Variants in FBXO45 observed in about 807,000 individuals in gnomAD.
FBXO45 encodes F-box/SPRY domain-containing protein 1.
Under a neutral mutation model 25.5 loss-of-function variants are expected in FBXO45, and 3 were observed. The ratio of observed to expected loss-of-function variants is 0.12; its 90% CI spans 0.05 to 0.30. FBXO45 has a LOEUF of 0.30. Among genes scored for constraint, FBXO45 ranks in the 10% least tolerant of loss-of-function variants. The probability of loss-of-function intolerance (pLI) is 1.00; values close to 1 mark genes in which losing one functional copy is unlikely to be tolerated. For missense variants in FBXO45, 219 were observed against 365.0 expected (o/e 0.60, Z 3.26); for synonymous variants, 155 against 149.8 (o/e 1.03, Z -0.25).
chr3:196,571,414 C>T (rs139473617), intron 1 of FBXO45, among the ~76,000 whole-genome samples: 135 of 152,036 alleles, frequency 8.9e-4, no homozygotes, highest in East Asian at 3.7e-3. Flanking sequence ...TTTAGAGACA[C>T]GGGGTCTCAC....
intron 1 of FBXO45, among the ~76,000 whole-genome samples, chr3:196,572,451 T>C (rs1018326892): frequency 2.0e-5 from 3 of 152,162 alleles, no homozygotes; most frequent in Admixed American, 2.0e-4. Context: ...CTCAGATCCA[T>C]GTACTGAGAC....
chr3:196,584,976 G>A lies in FBXO45; in HGVS notation c.*658G>A, dbSNP rs1736080428. The A allele has an allele frequency of 6.6e-6, 1 of 152,050 alleles. No homozygotes were observed. The highest frequency in any genetic ancestry group is 1.5e-5 in the Non-Finnish European group (1 of 67,998). 9.4% of individuals were successfully genotyped at this position (152,050 alleles called of 1,614,324 possible). ...TGGTTACAAAATTGGAATAACATTT[G>A]GGGACAACTGGGTTAACTACAAAGA... On this transcript the variant is annotated 3_prime_UTR_variant, in exon 3 of 3. Coordinates refer to ENST00000311630, the MANE Select transcript of FBXO45 (RefSeq NM_001105573.2). The surrounding 1 kb of genome is among the most constrained non-coding windows in gnomAD (Gnocchi z 4.3).
In FBXO45 at chr3:196,584,404, T is replaced by G. The variant is rs1269422459; in HGVS notation, c.*86T>G. The G allele has an allele frequency of 8.3e-7, 1 of 1,203,296 alleles. No individual in the cohort carries two copies. The highest frequency in any genetic ancestry group is 2.6e-5 in the East Asian group (1 of 38,394). 74.5% of individuals were successfully genotyped at this position (1,203,296 alleles called of 1,614,324 possible). ...CCATGAAGTGACTGTCACACATGCATGTCCAAGAAACATCCTGAAAACACA... is the reference window on the plus strand; with the variant it reads ...CCATGAAGTGACTGTCACACATGCAGGTCCAAGAAACATCCTGAAAACACA... On this transcript the variant is annotated 3_prime_UTR_variant, in exon 3 of 3. Transcript: ENST00000311630. This position sits in a 1 kb window ranked among gnomAD's most constrained non-coding sequence, Gnocchi z 4.3.
intron 2 of FBXO45, among the ~76,000 whole-genome samples, chr3:196,583,090 A>G (rs1319344175): frequency 6.6e-6 from 1 of 151,690 alleles, no homozygotes; most frequent in Admixed American, 6.6e-5. Flanking sequence ...TAGATACTTT[A>G]TATAGGTGGA....
Position 196,568,945 on chromosome 3 carries a change from GGCGGCGGCA to G in FBXO45, c.-31_-23del. 5 of 986,540 alleles carry G rather than the reference GGCGGCGGCA, an allele frequency of 5.1e-6. No individual in the cohort carries two copies. Among genetic ancestry groups the G allele is most frequent in the Non-Finnish European group, 6.0e-6 (5 of 829,404 alleles). 61.1% of individuals were successfully genotyped at this position (986,540 alleles called of 1,614,324 possible). A position where few individuals can be genotyped will look rare whatever the true frequency, so the allele number is the denominator to read the frequency against. On this transcript the variant is annotated 5_prime_UTR_variant, in exon 1 of 3. Transcript: ENST00000311630. ...CTTCCGAGCAGAGACGGCGGGAAGC[GGCGGCGGCA>G]GCGGCGGCCCTAGGGCCGGCTGGTG...
intron 2 of FBXO45, among the ~76,000 whole-genome samples, chr3:196,580,445 C>T (rs1035769681): frequency 2.0e-5 from 3 of 151,792 alleles, no homozygotes; most frequent in African/African-American, 4.8e-5. Context: ...CTCCTGACCT[C>T]GTGATCCGCC....
chr3:196,578,067 A>ATC (rs1735948061), intron 2 of FBXO45, among the ~76,000 whole-genome samples: 1 of 12,934 alleles, frequency 7.7e-5, no homozygotes, highest in Non-Finnish European at 1.3e-4. Context: ...TTTAGACAGA[A>ATC]TCTCACTCCG....
rs1735758800 is a variant in FBXO45 at position 196,569,814 on chromosome 3, A to G, written c.318+512A>G. Among the ~76,000 whole-genome samples, 1 of 152,212 alleles carries G rather than the reference A, an allele frequency of 6.6e-6. No homozygotes were observed. The highest frequency in any genetic ancestry group is 2.1e-4 in the South Asian group (1 of 4,820). On this transcript the variant is annotated intron_variant, in intron 1 of 2. Transcript: ENST00000311630. This position sits in a 1 kb window ranked among gnomAD's most constrained non-coding sequence, Gnocchi z 4.1. ...AGTTCTCTTTAGTTCCCTCCACTAT[A>G]TTGGAGGCTTACAAGTGAGTGTAGT...
chr3:196,578,315 G>A (rs1577597742), intron 2 of FBXO45, among the ~76,000 whole-genome samples: 5 of 151,994 alleles, frequency 3.3e-5, no homozygotes, highest in South Asian at 4.1e-4. Flanking sequence ...GATTACAGGC[G>A]TGAGCCACCA....
chr3:196,573,938 C>CTTTTTTTTTTTTTTTTTT (rs34587292), intron 1 of FBXO45, among the ~76,000 whole-genome samples: 1 of 125,768 alleles, frequency 8.0e-6, no homozygotes, highest in Non-Finnish European at 1.6e-5. Context: ...CTTTATTTTC[C>CTTTTTTTTTTTTTTTTTT]TTTTTTTTTT....
rs1161475095 is a variant in FBXO45 at position 196,584,336 on chromosome 3, TGACA to T, written c.*25_*28del. 1 of 1,590,612 alleles carries T rather than the reference TGACA, an allele frequency of 6.3e-7. No homozygotes were observed. The highest frequency in any genetic ancestry group is 8.5e-7 in the Non-Finnish European group (1 of 1,171,092). ...ACGGATGACAGTGGCTTTCTTGTGA[TGACA>T]GACAGAATGGAGGAGAGATCTGCTT... is the stretch of plus-strand genomic sequence containing the variant. On this transcript the variant is annotated 3_prime_UTR_variant, in exon 3 of 3. Coordinates refer to ENST00000311630, the MANE Select transcript of FBXO45 (RefSeq NM_001105573.2). This position sits in a 1 kb window ranked among gnomAD's most constrained non-coding sequence, Gnocchi z 4.3.
intron 1 of FBXO45, among the ~76,000 whole-genome samples, chr3:196,574,854 C>CT (rs796850519): frequency 1.4e-4 from 22 of 152,234 alleles, no homozygotes; most frequent in African/African-American, 5.3e-4. Flanking sequence ...ACATATAATA[C>CT]TTTCAGCAAG....
At chr3:196,583,161 T>A (rs1450525639) in intron 2 of FBXO45, among the ~76,000 whole-genome samples, 3 of 152,234 alleles carry the variant, frequency 2.0e-5, no homozygotes, top group Non-Finnish European at 4.4e-5. Flanking sequence ...TTTCAGGGTC[T>A]ATCTATGTTG....
chr3:196,575,733 G>C (rs186169161), intron 1 of FBXO45, among the ~76,000 whole-genome samples: 45 of 150,150 alleles, frequency 3.0e-4, no homozygotes, highest in Admixed American at 2.3e-3. Context: ...CTGGAGTGCA[G>C]TGGTGTGATT....
chr3:196,582,165 G>A (rs768108103), intron 2 of FBXO45, among the ~76,000 whole-genome samples: 5 of 152,162 alleles, frequency 3.3e-5, no homozygotes, highest in Admixed American at 6.5e-5. Flanking sequence ...GGCTTTGTGC[G>A]TGCTGTGTGC....
chr3:196,570,661 A>G (rs1193334967), intron 1 of FBXO45, among the ~76,000 whole-genome samples: 1 of 151,992 alleles, frequency 6.6e-6, no homozygotes, highest in Non-Finnish European at 1.5e-5. Context: ...GAAGATAGGG[A>G]ACATTGCCAT....
chr3:196,579,741 C>T (rs62410606), intron 2 of FBXO45, among the ~76,000 whole-genome samples: 4,116 of 152,258 alleles, frequency 0.027, 154 homozygotes, highest in African/African-American at 0.083. Context: ...ATTGAAATCT[C>T]CATCTATCCT....
intron 1 of FBXO45, among the ~76,000 whole-genome samples, chr3:196,570,769 T>TGG (rs1247233564): frequency 1.4e-5 from 2 of 146,714 alleles, no homozygotes; most frequent in Non-Finnish European, 3.0e-5. Flanking sequence ...TGGAGTGCAG[T>TGG]GGCGGGATCT....
At chr3:196,582,661 G>A (rs1344766143) in intron 2 of FBXO45, among the ~76,000 whole-genome samples, 1 of 151,226 alleles carries the variant, frequency 6.6e-6, no homozygotes, top group East Asian at 1.9e-4. Context: ...GGAAAAAACT[G>A]GATATATTCT....
Sources: gnomAD v4.1 joint callset for allele counts (sites outside exome capture counted in the v4.1 genomes callset) on GRCh38, gnomAD v4.1.1 for gene constraint, Gnocchi (gnomAD v3.1) non-coding constraint, MANE v1.5 for transcripts, NCBI Gene and HGNC (gene_info 2026-07-23, HGNC 2026-07-21) for gene names.